SYT10: variants seen among roughly 807,000 people sequenced by gnomAD.
SYT10 encodes synaptotagmin-10.
A neutral mutation model predicts 51.1 loss-of-function variants in SYT10; 31 were observed. That is an observed-to-expected ratio of 0.61 (90% confidence interval 0.46 to 0.82). The LOEUF (loss-of-function observed/expected upper bound fraction) is 0.82, where lower values mean the gene tolerates loss of function less well. Ranked by LOEUF, SYT10 falls within the 40% of genes least tolerant of loss-of-function variation. SYT10 has a pLI of 0.00. For synonymous variants in SYT10, 233 were observed against 225.9 expected, an observed-to-expected ratio of 1.03 and a Z score of -0.28; for missense variants, 603 against 634.0, an observed-to-expected ratio of 0.95 and a Z score of 0.53.
At chr12:33,379,179 T>C (rs1866091839) in intron 6 of SYT10, among the ~76,000 whole-genome samples, 1 of 151,936 alleles carries the variant, frequency 6.6e-6, no homozygotes, top group African/African-American at 2.4e-5. Flanking sequence ...TCATCATTTC[T>C]TTAGTTTTAC....
Position 33,382,250 on chromosome 12 carries a change from A to C in SYT10, c.1370+99T>G, listed in dbSNP as rs143176855. On this transcript the variant is annotated intron_variant, in intron 5 of 6. Coordinates refer to ENST00000228567, the MANE Select transcript of SYT10 (RefSeq NM_198992.4). ...AATCATTATTCCCTCCTCCAATTTAAATTAAAACTGTTGTGGCAGTAAATG... is the reference window on the plus strand; with the variant it reads ...AATCATTATTCCCTCCTCCAATTTACATTAAAACTGTTGTGGCAGTAAATG... The C allele has an allele frequency of 6.9e-4, 776 of 1,128,678 alleles. 5 individuals are homozygous for C. In the African/African-American group the frequency reaches 0.011, roughly 16 times the overall value. The allele number at this position is 1,128,678 out of a possible 1,614,324, so 69.9% of individuals were successfully genotyped here.
chr12:33,384,501 C>A (rs997100539), intron 4 of SYT10, among the ~76,000 whole-genome samples: 3 of 152,120 alleles, frequency 2.0e-5, no homozygotes, highest in Admixed American at 6.6e-5. Context: ...TATCATTTTT[C>A]TTCCACAGAG....
At chr12:33,398,372 G>C (rs184354004) in intron 3 of SYT10, among the ~76,000 whole-genome samples, 1 of 151,978 alleles carries the variant, frequency 6.6e-6, no homozygotes, top group African/African-American at 2.4e-5. Flanking sequence ...AATTAGCCGA[G>C]CGTGGTGGTG....
chr12:33,407,238 T>G lies in SYT10; in HGVS notation c.628A>C (p.Lys210Gln). The G allele has an allele frequency of 2.5e-6, 4 of 1,614,202 alleles. No individual in the cohort carries two copies. The highest frequency in any genetic ancestry group is 3.4e-6 in the Non-Finnish European group (4 of 1,180,042). Reference sequence around the variant, plus strand: ...GATTTCTGTTTGTAGAGTTCTGGCTTTATCCTCCCAATGCTGGTTGTTGTT... The same window carrying G: ...GATTTCTGTTTGTAGAGTTCTGGCTGTATCCTCCCAATGCTGGTTGTTGTT... ...GETTTSIGRI[K>Q]PELYKQKSVD... is the part of the protein sequence containing the mutation. Residue 210 changes from lysine (K) to glutamine (Q), a missense_variant, in exon 3 of 7, where the codon AAG becomes CAG. Physicochemically the swap from Lys to Gln is moderately conservative, Grantham distance 53. Transcript: ENST00000228567.
chr12:33,398,058 G>T (rs1314108384), intron 3 of SYT10, among the ~76,000 whole-genome samples: 1 of 152,050 alleles, frequency 6.6e-6, no homozygotes, highest in African/African-American at 2.4e-5. Context: ...AGTGGAATAG[G>T]GTGTTCAGGA....
At chr12:33,413,396 T>G (rs1866425005) in intron 2 of SYT10, among the ~76,000 whole-genome samples, 1 of 151,866 alleles carries the variant, frequency 6.6e-6, no homozygotes. Flanking sequence ...TTCACCAAAG[T>G]TGAAATGAAG....
chr12:33,394,799 T>C (rs1457368265), intron 3 of SYT10, among the ~76,000 whole-genome samples: 3 of 152,186 alleles, frequency 2.0e-5, no homozygotes, highest in Non-Finnish European at 4.4e-5. Flanking sequence ...CTAATAGAAA[T>C]AGTGCTTACA....
chr12:33,395,777 G>A (rs550811827), intron 3 of SYT10, among the ~76,000 whole-genome samples: 44 of 152,230 alleles, frequency 2.9e-4, no homozygotes, highest in African/African-American at 1.0e-3. Flanking sequence ...CAAGTATTAT[G>A]TTACAAATTT....
At chr12:33,377,612 ATTTTCT>A (rs1248288238) in intron 6 of SYT10, among the ~76,000 whole-genome samples, 61 of 119,320 alleles carry the variant, frequency 5.1e-4, no homozygotes, top group African/African-American at 2.1e-3. Context: ...AAGGAACCTG[ATTTTCT>A]TTTTCTTTTT....
Position 33,406,815 on chromosome 12 carries a change from A to G in SYT10, c.1051T>C (p.Trp351Arg). ...VSDLSREATV[W>R]KDIHCATTES... ...GTGGTAGCACAGTGAATATCTTTCC[A>G]TACTGTGGCTTCCCTGGAGAGATCA... The change falls in exon 3 of 7, where the codon TGG (tryptophan) becomes CGG (arginine). Residue 351 changes from tryptophan to arginine, a missense_variant. By Grantham distance (101) the Trp-to-Arg change is moderately radical. Coordinates refer to ENST00000228567, the MANE Select transcript of SYT10 (RefSeq NM_198992.4). 6.2e-7 allele frequency: 1 copy of G among 1,612,668 alleles called. No homozygotes were observed. Among genetic ancestry groups the G allele is most frequent in the Non-Finnish European group, 8.5e-7 (1 of 1,179,622 alleles).
intron 5 of SYT10, among the ~76,000 whole-genome samples, chr12:33,381,737 T>G (rs1259040863): frequency 6.6e-6 from 1 of 152,088 alleles, no homozygotes; most frequent in Non-Finnish European, 1.5e-5. Context: ...CAGAGCTGCA[T>G]AGGGGAGGTT....
In SYT10 at chr12:33,385,201, G is replaced by A. The variant is rs550790754; in HGVS notation, c.1168C>T (p.Leu390=). ...MTLTVIKCRN[L]KAMDITGSSD... is the part of the protein sequence containing the mutation. The stretch of plus-strand genomic sequence containing the variant: ...GAGCCAGTAATATCCATCGCCTTCA[G>A]ATTTCTGCACTTAATGACTGTCAAT... Residue 390 remains leucine (L), a synonymous_variant, in exon 4 of 7, where the codon CTG becomes TTG. Coordinates refer to ENST00000228567, the MANE Select transcript of SYT10 (RefSeq NM_198992.4). The A allele has an allele frequency of 6.2e-7, 1 of 1,613,672 alleles. No homozygotes were observed. The highest frequency in any genetic ancestry group is 1.1e-5 in the South Asian group (1 of 91,074).
rs1242285420 is a variant in SYT10 at position 33,439,405 on chromosome 12, G to A, written c.118C>T (p.Arg40Trp). 8.1e-6 allele frequency: 13 copies of A among 1,613,964 alleles called. No homozygotes were observed. The highest frequency in any genetic ancestry group is 1.1e-5 in the Non-Finnish European group (13 of 1,180,032). ...EWEKCSGIFP[R>W]DRGSQGGSST... is the part of the protein sequence containing the mutation. ...CTTCCGCCCTGGCTGCCCCTGTCCCGAGGGAAGATGCCCGAGCACTTCTCC... is the reference window on the plus strand; with the variant it reads ...CTTCCGCCCTGGCTGCCCCTGTCCCAAGGGAAGATGCCCGAGCACTTCTCC... The change falls in exon 1 of 7, where the codon CGG becomes TGG. Residue 40 changes from arginine (R) to tryptophan (W), a missense_variant. Transcript: ENST00000228567.
At chr12:33,399,624 T>C (rs1443041831) in intron 3 of SYT10, among the ~76,000 whole-genome samples, 1 of 152,142 alleles carries the variant, frequency 6.6e-6, no homozygotes, top group Admixed American at 6.5e-5. Context: ...TATTTAATAT[T>C]ATTCATGAGA....
intron 2 of SYT10, chr12:33,424,018 AAC>A (rs1405463495): frequency 4.4e-6 from 2 of 455,830 alleles, no homozygotes; most frequent in Non-Finnish European, 8.8e-6. Context: ...CACTCATATA[AAC>A]AATGAAAGTC....
chr12:33,403,106 C>A (rs1328719897), intron 3 of SYT10, among the ~76,000 whole-genome samples: 2 of 151,816 alleles, frequency 1.3e-5, no homozygotes, highest in Non-Finnish European at 2.9e-5. Flanking sequence ...TACAAAGGTA[C>A]TCTTTAAAAA....
chr12:33,382,446 T>G lies in SYT10; in HGVS notation c.1273A>C (p.Thr425Pro), dbSNP rs1394482792. 1 of 1,612,796 alleles carries G rather than the reference T, an allele frequency of 6.2e-7. No homozygotes were observed. The highest frequency in any genetic ancestry group is 8.5e-7 in the Non-Finnish European group (1 of 1,179,390). Residue 425 changes from threonine (T) to proline (P), a missense_variant, in exon 5 of 7, where the codon ACT (threonine) becomes CCT (proline). Coordinates refer to ENST00000228567, the MANE Select transcript of SYT10 (RefSeq NM_198992.4). Reference sequence around the variant, plus strand: ...GCCTCATTGTACACAGGGTTTAGAGTGTTTTTCTTTGTAGTTGTTTTCCTC... The same window carrying G: ...GCCTCATTGTACACAGGGTTTAGAGGGTTTTTCTTTGTAGTTGTTTTCCTC... Reference protein sequence around the residue: ...KKRKTTTKKNTLNPVYNEAII... With the variant: ...KKRKTTTKKNPLNPVYNEAII...
At chr12:33,380,564 C>T (rs16920906) in intron 5 of SYT10, among the ~76,000 whole-genome samples, 19,049 of 152,190 alleles carry the variant, frequency 0.13, 1,898 homozygotes, top group East Asian at 0.55. Context: ...AGCAATGAAT[C>T]AAGATGATAA....
chr12:33,382,240 C>A, intron 5 of SYT10, 109 bp downstream of exon 5: 2 of 1,044,690 alleles, frequency 1.9e-6, no homozygotes, highest in African/African-American at 1.6e-5. Flanking sequence ...TTATTCCCTC[C>A]TCCAATTTAA....
Sources: gnomAD v4.1 joint callset for allele counts (sites outside exome capture counted in the v4.1 genomes callset) on GRCh38, gnomAD v4.1.1 for gene constraint, MANE v1.5 for transcripts, NCBI Gene and HGNC (gene_info 2026-07-23, HGNC 2026-07-21) for gene names.